Variants in UNC13C observed in about 807,000 individuals in gnomAD.
UNC13C encodes the protein protein unc-13 homolog C.
A neutral mutation model predicts 245.4 loss-of-function variants in UNC13C; 174 were observed. The observed-to-expected ratio is 0.71, with a 90% CI of 0.63 to 0.80. The LOEUF (loss-of-function observed/expected upper bound fraction) is 0.80, where lower values mean the gene tolerates loss of function less well. Among genes scored for constraint, UNC13C ranks in the 30% least tolerant of loss-of-function variants. UNC13C has a pLI of 0.00. For synonymous variants in UNC13C, 992 were observed against 895.1 expected, an observed-to-expected ratio of 1.11 and a Z score of -1.93; for missense variants, 2,829 against 2,602.9, an observed-to-expected ratio of 1.09 and a Z score of -1.89.
the UNC13C span, among the ~76,000 whole-genome samples, chr15:53,971,088 G>A: frequency 5.9e-5 from 9 of 152,118 alleles, no homozygotes; most frequent in African/African-American, 9.6e-5. Context: ...GTTTTGATAC[G>A]CATTTCTCTA....
chr15:54,195,433 C>T lies in UNC13C; in HGVS notation c.3072-39597C>T, dbSNP rs75614006. On this transcript the variant is annotated intron_variant, in intron 4 of 32. Transcript: ENST00000260323. ...TGTTTTGGAAAGAGCTGTGGGGATGCGAATTCTTCCTTTATTCATTCAGTA... is the reference window on the plus strand; with the variant it reads ...TGTTTTGGAAAGAGCTGTGGGGATGTGAATTCTTCCTTTATTCATTCAGTA... Among the ~76,000 whole-genome samples, 1,148 of 152,196 alleles carry T rather than the reference C, an allele frequency of 7.5e-3. 16 individuals are homozygous for T. Among genetic ancestry groups the T allele is most frequent in the African/African-American group, 0.027 (1,108 of 41,540 alleles).
intron 4 of UNC13C, among the ~76,000 whole-genome samples, chr15:54,150,211 C>T (rs1387226228): frequency 6.6e-6 from 1 of 152,154 alleles, no homozygotes; most frequent in Admixed American, 6.5e-5. Flanking sequence ...AGATTCTTAT[C>T]CTCCAACTTG....
chr15:54,285,232 G>A (rs1344182537), intron 10 of UNC13C, among the ~76,000 whole-genome samples: 1 of 151,824 alleles, frequency 6.6e-6, no homozygotes, highest in Non-Finnish European at 1.5e-5. Flanking sequence ...AAAACTATGA[G>A]AGAATTTAAA....
chr15:54,228,817 G>C (rs2035468120), intron 4 of UNC13C, among the ~76,000 whole-genome samples: 1 of 152,202 alleles, frequency 6.6e-6, no homozygotes, highest in African/African-American at 2.4e-5. Flanking sequence ...TGTGCTGCCT[G>C]GGGTTGGGGA....
chr15:53,936,967 G>T, the UNC13C span, among the ~76,000 whole-genome samples: 2 of 152,164 alleles, frequency 1.3e-5, no homozygotes, highest in African/African-American at 2.4e-5. Context: ...AAGCCATAGT[G>T]CCTCTTCTCC....
chr15:54,618,007 T>C (rs1452203349), intron 30 of UNC13C, among the ~76,000 whole-genome samples: 17 of 152,126 alleles, frequency 1.1e-4, no homozygotes, highest in Admixed American at 1.1e-3. Context: ...TGAGAAGCTG[T>C]AATGTGTTTT....
At chr15:54,186,842 T>TATATATATATATATATATATATATATAC (rs1201006554) in intron 4 of UNC13C, among the ~76,000 whole-genome samples, 4 of 116,610 alleles carry the variant, frequency 3.4e-5, no homozygotes, top group African/African-American at 1.4e-4. Flanking sequence ...ACATAATATA[T>TATATATATATATATATATATATATATAC]ATGTATATAT....
At chr15:54,224,208 T>C (rs1462850808) in intron 4 of UNC13C, among the ~76,000 whole-genome samples, 2 of 152,144 alleles carry the variant, frequency 1.3e-5, no homozygotes, top group Non-Finnish European at 2.9e-5. Flanking sequence ...CTTGTGGTGT[T>C]ACTGATCTTA....
At chr15:54,217,059 T>G (rs1466173018) in intron 4 of UNC13C, among the ~76,000 whole-genome samples, 2 of 152,016 alleles carry the variant, frequency 1.3e-5, no homozygotes, top group Admixed American at 6.6e-5. Context: ...ATCTAGGAGT[T>G]AATGGAGAGA....
intron 19 of UNC13C, among the ~76,000 whole-genome samples, chr15:54,468,475 G>A (rs1892294750): frequency 6.6e-6 from 1 of 151,282 alleles, no homozygotes; most frequent in Non-Finnish European, 1.5e-5. Flanking sequence ...ATCCATTTTT[G>A]TTTTGGATGT....
At chr15:53,843,476 A>G in the UNC13C span, among the ~76,000 whole-genome samples, 1 of 151,992 alleles carries the variant, frequency 6.6e-6, no homozygotes, top group Non-Finnish European at 1.5e-5. Context: ...ATATATATAC[A>G]TATATCACTC....
chr15:54,123,851 A>G (rs554932925), intron 2 of UNC13C, among the ~76,000 whole-genome samples: 8 of 152,102 alleles, frequency 5.3e-5, no homozygotes, highest in Non-Finnish European at 1.0e-4. Flanking sequence ...CACTCGCACT[A>G]TTCTCCTTAA....
intron 13 of UNC13C, among the ~76,000 whole-genome samples, chr15:54,303,627 T>C (rs2037646687): frequency 5.7e-5 from 1 of 17,490 alleles, no homozygotes; most frequent in African/African-American, 1.2e-4. Flanking sequence ...GTATTTTTCT[T>C]TTTTTTTTTT....
At chr15:54,544,721 C>A (rs944149557) in intron 26 of UNC13C, among the ~76,000 whole-genome samples, 2 of 152,012 alleles carry the variant, frequency 1.3e-5, no homozygotes, top group Admixed American at 1.3e-4. Flanking sequence ...AATAAAATAC[C>A]AAGGAATACA....
the UNC13C span, among the ~76,000 whole-genome samples, chr15:53,862,802 C>G: frequency 4.6e-5 from 7 of 152,106 alleles, no homozygotes; most frequent in Non-Finnish European, 1.0e-4. Context: ...AAGACTCCAT[C>G]TGTAAGTAAC....
At chr15:54,449,357 T>C (rs937013477) in intron 19 of UNC13C, among the ~76,000 whole-genome samples, 2 of 152,208 alleles carry the variant, frequency 1.3e-5, no homozygotes, top group African/African-American at 2.4e-5. Flanking sequence ...CCGGATAATA[T>C]CCTGCACAGT....
chr15:54,236,272 A>G (rs994745981), intron 5 of UNC13C, among the ~76,000 whole-genome samples, 158 bp from the exon 6 acceptor site: 2 of 152,220 alleles, frequency 1.3e-5, no homozygotes, highest in African/African-American at 4.8e-5. Flanking sequence ...TTATACTGGA[A>G]AGTATAACAT....
intron 22 of UNC13C, among the ~76,000 whole-genome samples, chr15:54,504,509 T>C (rs1596485985): frequency 6.6e-6 from 1 of 152,324 alleles, no homozygotes; most frequent in East Asian, 1.9e-4. Context: ...CTATACTCAC[T>C]TCTCATTCTG....
chr15:53,896,866 G>A, the UNC13C span, among the ~76,000 whole-genome samples: 7 of 152,016 alleles, frequency 4.6e-5, no homozygotes, highest in Non-Finnish European at 7.4e-5. Flanking sequence ...AGAGACACCC[G>A]GGACACTGAT....
Sources: gnomAD v4.1 joint callset for allele counts (sites outside exome capture counted in the v4.1 genomes callset) on GRCh38, gnomAD v4.1.1 for gene constraint, MANE v1.5 for transcripts, NCBI Gene and HGNC (gene_info 2026-07-23, HGNC 2026-07-21) for gene names.